KCNT2: variants seen among roughly 807,000 people sequenced by gnomAD.
KCNT2 encodes the protein potassium sodium-activated channel subfamily T member 2.
A neutral mutation model predicts 153.8 loss-of-function variants in KCNT2; 67 were observed. The observed-to-expected ratio is 0.44, with a 90% CI of 0.36 to 0.53. The LOEUF is 0.53. Among genes scored for constraint, KCNT2 ranks in the 20% least tolerant of loss-of-function variants. The pLI is 0.00. For missense variants in KCNT2, 975 were observed against 1,354.8 expected (o/e 0.72, Z 4.40); for synonymous variants, 500 against 458.8 (o/e 1.09, Z -1.15).
rs953046052 is a variant in KCNT2, at chr1:196,559,851, G to A, written c.95+48364C>T. ...ATCAATCCATTGTTGAATTTTCCCA[G>A]TGTATTATCCATCTTTTAATTTTCT... On this transcript the variant is annotated intron_variant, in intron 1 of 27. Coordinates refer to ENST00000294725, the MANE Select transcript of KCNT2 (RefSeq NM_198503.5). 4.0e-5 allele frequency among the ~76,000 whole-genome samples: 6 copies of A among 151,622 alleles called. 1 individual carries two copies. The highest frequency in any genetic ancestry group is 9.7e-5 in the African/African-American group (4 of 41,422).
intron 1 of KCNT2, among the ~76,000 whole-genome samples, chr1:196,595,444 T>C (rs761623584): frequency 5.3e-5 from 8 of 152,116 alleles, no homozygotes; most frequent in African/African-American, 9.7e-5. Context: ...TCTATCTATG[T>C]GCATATAAAC....
chr1:196,364,116 C>T (rs1049018922), intron 14 of KCNT2, among the ~76,000 whole-genome samples: 8 of 151,914 alleles, frequency 5.3e-5, no homozygotes, highest in African/African-American at 1.9e-4. Context: ...CAAATAAGGC[C>T]TATAATTTAG....
chr1:196,340,345 G>A lies in KCNT2; in HGVS notation c.1779C>T (p.Ser593=), dbSNP rs1558166791. Residue 593 remains serine, a synonymous_variant, in exon 16 of 28, where the codon AGC becomes AGT. Transcript: ENST00000294725. ...TTCAAATTTGTTTATACTTACCCAT[G>A]CTGGCAATTATGCTATGTACAGGTA... ...SRLPVHSIIA[S]MGTVAIDLQD... is the part of the protein sequence containing the mutation. The A allele has an allele frequency of 6.4e-7, 1 of 1,554,312 alleles. No homozygotes were observed. The highest frequency in any genetic ancestry group is 2.3e-5 in the East Asian group (1 of 43,862).
At chr1:196,408,269 C>T (rs1671999041) in intron 12 of KCNT2, among the ~76,000 whole-genome samples, 1 of 151,516 alleles carries the variant, frequency 6.6e-6, no homozygotes, top group Non-Finnish European at 1.5e-5. Flanking sequence ...AAACCTTCCA[C>T]TCCTGCATAA....
At chr1:196,520,454 A>G (rs1653214823) in intron 1 of KCNT2, among the ~76,000 whole-genome samples, 1 of 151,924 alleles carries the variant, frequency 6.6e-6, no homozygotes. Flanking sequence ...AGTCCTGGCC[A>G]GAGCAATCAG....
At chr1:196,588,336 C>T (rs1433493617) in intron 1 of KCNT2, among the ~76,000 whole-genome samples, 1 of 151,310 alleles carries the variant, frequency 6.6e-6, no homozygotes, top group African/African-American at 2.4e-5. Context: ...AGGTGCAGTA[C>T]ACAACAAATG....
intron 1 of KCNT2, among the ~76,000 whole-genome samples, chr1:196,498,651 A>C (rs1414634243): frequency 6.6e-6 from 1 of 152,164 alleles, no homozygotes; most frequent in East Asian, 1.9e-4. Context: ...CTCCCAGTAC[A>C]ACTTGCATTT....
chr1:196,445,544 T>G (rs1014431809), intron 8 of KCNT2, among the ~76,000 whole-genome samples: 3 of 151,434 alleles, frequency 2.0e-5, no homozygotes, highest in African/African-American at 7.2e-5. Flanking sequence ...ACTCTTATTT[T>G]TATGTAACTA....
At chr1:196,491,881 C>T (rs1037594256) in intron 2 of KCNT2, among the ~76,000 whole-genome samples, 1 of 152,002 alleles carries the variant, frequency 6.6e-6, no homozygotes, top group African/African-American at 2.4e-5. Context: ...CTAAATCAGA[C>T]AATTGTTTCC....
intron 26 of KCNT2, among the ~76,000 whole-genome samples, chr1:196,242,880 T>C (rs1323369503): frequency 6.6e-6 from 1 of 152,190 alleles, no homozygotes; most frequent in Admixed American, 6.5e-5. Context: ...TGAAGTTATT[T>C]TAGGATCACC....
chr1:196,478,526 T>G (rs909041376), intron 5 of KCNT2, among the ~76,000 whole-genome samples: 2 of 152,212 alleles, frequency 1.3e-5, no homozygotes, highest in Non-Finnish European at 2.9e-5. Context: ...TGCTGTCTTT[T>G]CATCTTGCCT....
At chr1:196,555,574 G>A (rs571352764) in intron 1 of KCNT2, among the ~76,000 whole-genome samples, 22 of 150,902 alleles carry the variant, frequency 1.5e-4, no homozygotes, top group East Asian at 5.8e-4. Flanking sequence ...ATGTCCATAC[G>A]ACCCAAAGCA....
intron 25 of KCNT2, among the ~76,000 whole-genome samples, chr1:196,262,917 T>C (rs1270760334): frequency 6.6e-6 from 1 of 152,046 alleles, no homozygotes; most frequent in Admixed American, 6.6e-5. Flanking sequence ...ATAATGTAAT[T>C]TTAGACAGGA....
intron 14 of KCNT2, among the ~76,000 whole-genome samples, chr1:196,364,297 C>A (rs1357028625): frequency 6.6e-6 from 1 of 152,038 alleles, no homozygotes; most frequent in Admixed American, 6.6e-5. Context: ...TTTAAAATGT[C>A]ATTAAAATAT....
chr1:196,405,627 TCAAA>T (rs760531096), intron 12 of KCNT2, among the ~76,000 whole-genome samples: 16 of 151,414 alleles, frequency 1.1e-4, no homozygotes, highest in Admixed American at 8.6e-4. Flanking sequence ...TATTAGACTC[TCAAA>T]CAGAGTCTGT....
chr1:196,508,189 C>CAAAAAA (rs10539910), intron 1 of KCNT2, among the ~76,000 whole-genome samples: 39 of 59,962 alleles, frequency 6.5e-4, no homozygotes, highest in Admixed American at 1.1e-3. Context: ...CCCTAAGTAG[C>CAAAAAA]AAAAAAAAAA....
chr1:196,399,107 GTGTGTGTC>G (rs1257753678), intron 12 of KCNT2, among the ~76,000 whole-genome samples: 3 of 149,620 alleles, frequency 2.0e-5, no homozygotes, highest in Admixed American at 6.7e-5. Flanking sequence ...ATGTGTGTGT[GTGTGTGTC>G]TGTGTGTGTA....
chr1:196,239,525 G>C (rs1654757274), intron 26 of KCNT2, among the ~76,000 whole-genome samples: 1 of 151,778 alleles, frequency 6.6e-6, no homozygotes, highest in Non-Finnish European at 1.5e-5. Context: ...CATTAGAAAA[G>C]GGACAGAATC....
At chr1:196,384,465 G>A (rs1156582221) in intron 13 of KCNT2, among the ~76,000 whole-genome samples, 2 of 152,068 alleles carry the variant, frequency 1.3e-5, no homozygotes, top group Admixed American at 6.5e-5. Context: ...GCCAAGGTGG[G>A]CGGATCACTT....
Sources: gnomAD v4.1 joint callset for allele counts (sites outside exome capture counted in the v4.1 genomes callset) on GRCh38, gnomAD v4.1.1 for gene constraint, MANE v1.5 for transcripts, NCBI Gene and HGNC (gene_info 2026-07-23, HGNC 2026-07-21) for gene names.